CDK17: variants seen among roughly 807,000 people sequenced by gnomAD.
The protein encoded by CDK17 is cyclin-dependent kinase 17.
Under a neutral mutation model 77.6 loss-of-function variants are expected in CDK17, and 24 were observed. That is an observed-to-expected ratio of 0.31 (90% confidence interval 0.22 to 0.44). CDK17 has a LOEUF of 0.44. Ranked by LOEUF, CDK17 falls within the 20% of genes least tolerant of loss-of-function variation. CDK17 has a pLI of 1.00. For missense variants in CDK17, 429 were observed against 622.5 expected, an observed-to-expected ratio of 0.69 and a Z score of 3.31; for synonymous variants, 203 against 210.4, an observed-to-expected ratio of 0.96 and a Z score of 0.30.
At chr12:96,304,539 A>AAAAC (rs1555200423) in intron 5 of CDK17, among the ~76,000 whole-genome samples, 6 of 151,526 alleles carry the variant, frequency 4.0e-5, no homozygotes, top group African/African-American at 1.5e-4. Context: ...CTGTCTCAAA[A>AAAAC]AACAACAAAA....
At chr12:96,397,386 C>T (rs1954189653) in intron 1 of CDK17, among the ~76,000 whole-genome samples, 1 of 151,984 alleles carries the variant, frequency 6.6e-6, no homozygotes, top group Non-Finnish European at 1.5e-5. Flanking sequence ...TTTCATGTTT[C>T]CTTACTATGT....
At chr12:96,358,637 C>G (rs1953444216) in intron 1 of CDK17, among the ~76,000 whole-genome samples, 1 of 151,986 alleles carries the variant, frequency 6.6e-6, no homozygotes, top group African/African-American at 2.4e-5. Flanking sequence ...GCCTGGCCAA[C>G]ATGGTGAAAC....
intron 1 of CDK17, among the ~76,000 whole-genome samples, chr12:96,368,236 A>G (rs1953620370): frequency 6.6e-6 from 1 of 152,264 alleles, no homozygotes; most frequent in African/African-American, 2.4e-5. Context: ...CTAAGTTATA[A>G]AGAAAATCAG....
chr12:96,283,907 A>C (rs1019090672), intron 13 of CDK17, among the ~76,000 whole-genome samples: 1 of 152,196 alleles, frequency 6.6e-6, no homozygotes, highest in Non-Finnish European at 1.5e-5. Flanking sequence ...AAAAATCACC[A>C]TGCTGTCTCA....
intron 1 of CDK17, among the ~76,000 whole-genome samples, chr12:96,350,910 C>T (rs1426410158): frequency 2.6e-5 from 4 of 151,952 alleles, no homozygotes; most frequent in Admixed American, 2.6e-4. Flanking sequence ...GTGAAACAAC[C>T]CACAGAATGG....
At chr12:96,295,375 A>G in intron 9 of CDK17, 1 of 237,136 alleles carries the variant, frequency 4.2e-6, no homozygotes, top group South Asian at 1.4e-4. Context: ...TTTTTTAAAA[A>G]GTAACTTCCT....
At chr12:96,294,488 C>G (rs541317515) in intron 10 of CDK17, among the ~76,000 whole-genome samples, 1 of 143,538 alleles carries the variant, frequency 7.0e-6, no homozygotes, top group Non-Finnish European at 1.5e-5. Flanking sequence ...GAGGCTGAGG[C>G]AGGAGAGTCA....
intron 1 of CDK17, among the ~76,000 whole-genome samples, chr12:96,373,359 T>C (rs956865494): frequency 6.0e-5 from 9 of 150,262 alleles, no homozygotes; most frequent in Admixed American, 1.3e-4. Flanking sequence ...TTGGGAGGCC[T>C]AGGCAGGCGG....
chr12:96,382,411 C>T (rs1268803201), intron 1 of CDK17, among the ~76,000 whole-genome samples: 10 of 150,116 alleles, frequency 6.7e-5, no homozygotes, highest in Non-Finnish European at 1.0e-4. Flanking sequence ...CAGATGGATT[C>T]ACAGCCGAAT....
intron 10 of CDK17, among the ~76,000 whole-genome samples, chr12:96,289,798 T>C (rs1952297561): frequency 1.3e-5 from 2 of 152,356 alleles, no homozygotes; most frequent in East Asian, 1.9e-4. Context: ...CAAATCGACT[T>C]AGAGACAATT....
chr12:96,336,935 A>G (rs1953049203), intron 1 of CDK17, among the ~76,000 whole-genome samples: 1 of 151,862 alleles, frequency 6.6e-6, no homozygotes. Context: ...TCTCTTGTCA[A>G]TTTTCTTCTC....
At chr12:96,336,084 T>C (rs1421531256) in intron 1 of CDK17, among the ~76,000 whole-genome samples, 1 of 152,204 alleles carries the variant, frequency 6.6e-6, no homozygotes, top group Non-Finnish European at 1.5e-5. Flanking sequence ...GAATAATTTA[T>C]TTTTGCTTAA....
rs774668171 is a variant in CDK17, at chr12:96,334,772, A to C, written c.65T>G (p.Leu22Trp). ...AGTCATTTGTTCAGCCAATTCAGAC[A>C]ATGATTCATCAATAGTCTGACTTCC... is the stretch of plus-strand genomic sequence containing the variant. ...LRGSQTIDES[L>W]SELAEQMTIE... The change falls in exon 2 of 17, where the codon TTG becomes TGG. Residue 22 changes from leucine (L) to tryptophan (W), a missense_variant. Coordinates refer to ENST00000261211, the MANE Select transcript of CDK17 (RefSeq NM_002595.5). 1 of 1,612,582 alleles carries C rather than the reference A, an allele frequency of 6.2e-7. No homozygotes were observed. Among genetic ancestry groups the C allele is most frequent in the South Asian group, 1.1e-5 (1 of 91,042 alleles).
intron 3 of CDK17, among the ~76,000 whole-genome samples, chr12:96,320,302 A>C (rs1952798446): frequency 7.0e-6 from 1 of 141,908 alleles, no homozygotes; most frequent in South Asian, 2.5e-4. Flanking sequence ...TCAAGGAAAT[A>C]AAAGAGGATA....
chr12:96,293,996 A>G (rs117910093), intron 10 of CDK17, among the ~76,000 whole-genome samples: 5 of 152,290 alleles, frequency 3.3e-5, no homozygotes, highest in Non-Finnish European at 5.9e-5. Context: ...TGTCTGCCAA[A>G]CACCTAAGTC....
chr12:96,294,950 T>TAC, intron 10 of CDK17, 49 bp downstream of exon 10: 1 of 1,514,616 alleles, frequency 6.6e-7, no homozygotes, highest in East Asian at 2.3e-5. Flanking sequence ...TTTTAACCAT[T>TAC]ACACTTTAGA....
chr12:96,293,446 A>G (rs1952355114), intron 10 of CDK17, among the ~76,000 whole-genome samples: 1 of 152,236 alleles, frequency 6.6e-6, no homozygotes, highest in South Asian at 2.1e-4. Flanking sequence ...AAATAGATCA[A>G]ATATACATAT....
intron 13 of CDK17, among the ~76,000 whole-genome samples, chr12:96,285,082 G>A (rs1204994141): frequency 6.6e-6 from 1 of 152,138 alleles, no homozygotes; most frequent in Non-Finnish European, 1.5e-5. Flanking sequence ...CTAAGTCATG[G>A]AGACTCTGCT....
chr12:96,386,698 A>G (rs1007148669), intron 1 of CDK17: 1 of 152,450 alleles, frequency 6.6e-6, no homozygotes, highest in African/African-American at 2.4e-5. Flanking sequence ...CTGACATATT[A>G]CATGGACATA....
Sources: allele counts gnomAD v4.1 joint callset (sites outside exome capture counted in the v4.1 genomes callset), GRCh38; gene constraint gnomAD v4.1.1; transcripts MANE v1.5; gene names NCBI Gene and HGNC (gene_info 2026-07-23, HGNC 2026-07-21).